The following DTX1 variants were observed in gnomAD, a reference collection of about 807,000 sequenced individuals.
DTX1 encodes deltex E3 ubiquitin ligase 1, also known as E3 ubiquitin-protein ligase DTX1.
A neutral mutation model predicts 57.8 loss-of-function variants in DTX1; 26 were observed. The ratio of observed to expected loss-of-function variants is 0.45; its 90% CI spans 0.33 to 0.62. The LOEUF is 0.62. Among genes scored for constraint, DTX1 ranks in the 20% least tolerant of loss-of-function variants. The pLI is 0.02. For synonymous variants in DTX1, 398 were observed against 394.1 expected, an observed-to-expected ratio of 1.01 and a Z score of -0.12; for missense variants, 704 against 895.3, an observed-to-expected ratio of 0.79 and a Z score of 2.73.
Position 113,093,052 on chromosome 12 carries a change from A to G in DTX1, c.942-110A>G. 2 of 1,087,446 alleles carry G rather than the reference A, an allele frequency of 1.8e-6. No individual in the cohort carries two copies. Among genetic ancestry groups the G allele is most frequent in the Non-Finnish European group, 2.7e-6 (2 of 742,822 alleles). The allele number at this position is 1,087,446 out of a possible 1,614,324, so 67.4% of individuals were successfully genotyped here. On this transcript the variant is annotated intron_variant, in intron 3 of 9. Coordinates refer to ENST00000548759, the MANE Select transcript of DTX1 (RefSeq NM_004416.3). This position sits in a 1 kb window ranked among gnomAD's most constrained non-coding sequence, Gnocchi z 4.2. The stretch of plus-strand genomic sequence containing the variant: ...TAACTGCAGTTGGCAGAGAGGTACA[A>G]AGAGGCCAGGGTGTGTGGCCCAGGA...
rs546827664 is a variant in DTX1 at position 113,083,603 on chromosome 12, G to A, written c.941+5498G>A. Among the ~76,000 whole-genome samples the A allele has an allele frequency of 4.9e-4, 74 of 152,382 alleles. 2 individuals carry two copies. In the South Asian group the frequency reaches 0.015, roughly 32 times the overall value. On this transcript the variant is annotated intron_variant, in intron 3 of 9. Coordinates refer to ENST00000548759, the MANE Select transcript of DTX1 (RefSeq NM_004416.3). ...GGCCTCCCGAAATTCTGGGATTACAGGCATGAGCCACTGCGCCCGGCCAAT... is the reference window on the plus strand; with the variant it reads ...GGCCTCCCGAAATTCTGGGATTACAAGCATGAGCCACTGCGCCCGGCCAAT...
Position 113,093,969 on chromosome 12 carries a change from C to T in DTX1, c.1166-69C>T. The T allele has an allele frequency of 1.9e-6, 3 of 1,549,376 alleles. No homozygotes were observed. The highest frequency in any genetic ancestry group is 2.6e-6 in the Non-Finnish European group (3 of 1,143,402). ...GACCCCTGCCCTCTGACCCCTGACC[C>T]AGTTCTGAGCCAAGCCTTCGGGGAC... On this transcript the variant is annotated intron_variant, in intron 5 of 9. Coordinates refer to ENST00000548759, the MANE Select transcript of DTX1 (RefSeq NM_004416.3). The surrounding 1 kb of genome is among the most constrained non-coding windows in gnomAD (Gnocchi z 4.2).
intron 2 of DTX1, among the ~76,000 whole-genome samples, chr12:113,070,180 G>A (rs763784086): frequency 6.6e-6 from 1 of 152,180 alleles, no homozygotes; most frequent in East Asian, 1.9e-4. Context: ...ACACTCTTTC[G>A]CTTGAATGAG....
Position 113,065,612 on chromosome 12 carries a change from G to C in DTX1, c.259+7161G>C, listed in dbSNP as rs557188451. Among the ~76,000 whole-genome samples the C allele has an allele frequency of 1.4e-4, 22 of 152,310 alleles. No individual in the cohort carries two copies. The South Asian group carries it at 4.4e-3, about 30-fold the overall frequency. On this transcript the variant is annotated intron_variant, in intron 2 of 9. Coordinates refer to ENST00000548759, the MANE Select transcript of DTX1 (RefSeq NM_004416.3). ...GGAGCTGCGGAGTCTGACCTGGAGA[G>C]GAAGGAGGAGATGGAAGCTGTGATG...
rs1463236102 is a variant in DTX1, at chr12:113,093,688, C to A, written c.1153C>A (p.His385Asn). ...GGTGTGCCGCAAGACCAAGAAGAAGCACCTTAAAAAGAGTACGCCCTCCAC... is the reference window on the plus strand; with the variant it reads ...GGTGTGCCGCAAGACCAAGAAGAAGAACCTTAAAAAGAGTACGCCCTCCAC... ...PGVCRKTKKK[H>N]LKKSKNPEDV... The change falls in exon 5 of 10, where the codon CAC becomes AAC. Residue 385 changes from histidine (H) to asparagine (N), a missense_variant. Coordinates refer to ENST00000548759, the MANE Select transcript of DTX1 (RefSeq NM_004416.3). The surrounding 1 kb of genome is among the most constrained non-coding windows in gnomAD (Gnocchi z 4.2). 8 of 1,613,730 alleles carry A rather than the reference C, an allele frequency of 5.0e-6. No individual in the cohort carries two copies. Among genetic ancestry groups the A allele is most frequent in the Non-Finnish European group, 6.8e-6 (8 of 1,179,920 alleles).
At chr12:113,089,984 G>A (rs1192468544) in intron 3 of DTX1, 2 of 152,214 alleles carry the variant, frequency 1.3e-5, no homozygotes, top group African/African-American at 4.8e-5. Flanking sequence ...GATTGATAGA[G>A]GCTGCTTGGA....
At chr12:113,063,632 C>T (rs563573806) in intron 2 of DTX1, among the ~76,000 whole-genome samples, 1 of 152,364 alleles carries the variant, frequency 6.6e-6, no homozygotes, top group Admixed American at 6.5e-5. Context: ...ATACCCGAGG[C>T]TGCAAGCCTG....
At chr12:113,064,059 T>C (rs1343969366) in intron 2 of DTX1, among the ~76,000 whole-genome samples, 3 of 152,076 alleles carry the variant, frequency 2.0e-5, no homozygotes, top group Non-Finnish European at 4.4e-5. Context: ...AGAGCGCTCT[T>C]GGGGCTTGTT....
chr12:113,071,262 C>T (rs1413038296), intron 2 of DTX1, among the ~76,000 whole-genome samples: 7 of 152,250 alleles, frequency 4.6e-5, no homozygotes, highest in Non-Finnish European at 1.0e-4. Context: ...CGCCCCCACA[C>T]CCGGTCTCAG....
In DTX1 at chr12:113,057,951, T is replaced by A. The variant is rs988445307; in HGVS notation, c.-242T>A. 2.0e-5 allele frequency: 12 copies of A among 613,684 alleles called. No individual in the cohort carries two copies. The highest frequency in any genetic ancestry group is 1.8e-4 in the African/African-American group (10 of 54,300). The allele number at this position is 613,684 out of a possible 1,614,324, so 38.0% of individuals were successfully genotyped here. On this transcript the variant is annotated 5_prime_UTR_variant, in exon 2 of 10. Transcript: ENST00000548759. ...CTCCGGCATAAGAGAGACACTTGCTTTCCAGGGCAGCACCCTTTATCGGAG... is the reference window on the plus strand; with the variant it reads ...CTCCGGCATAAGAGAGACACTTGCTATCCAGGGCAGCACCCTTTATCGGAG...
At position 113,090,335 on chromosome 12, in the gene DTX1, G is replaced by A. The variant is rs1392436041; in HGVS notation, c.942-2827G>A. On this transcript the variant is annotated intron_variant, in intron 3 of 9. Coordinates refer to ENST00000548759, the MANE Select transcript of DTX1 (RefSeq NM_004416.3). ...GAGTGGTGACAGCTGCCCCCCTGAGGAAGGCCCTGGAGGATTATGACAGAC... is the reference window on the plus strand; with the variant it reads ...GAGTGGTGACAGCTGCCCCCCTGAGAAAGGCCCTGGAGGATTATGACAGAC... Among the ~76,000 whole-genome samples, 9 of 152,254 alleles carry A rather than the reference G, an allele frequency of 5.9e-5. No homozygotes were observed. The East Asian group carries it at 1.7e-3, about 29-fold the overall frequency.
chr12:113,061,604 A>C (rs1464145085), intron 2 of DTX1, among the ~76,000 whole-genome samples: 1 of 152,162 alleles, frequency 6.6e-6, no homozygotes, highest in East Asian at 1.9e-4. Context: ...AATCTGGCTG[A>C]TTTTATCCCA....
At position 113,093,244 on chromosome 12, in the gene DTX1, G is replaced by A. The variant is rs758483921; in HGVS notation, c.1003+21G>A. 6.3e-6 allele frequency: 10 copies of A among 1,577,734 alleles called. No individual in the cohort carries two copies. Among genetic ancestry groups the A allele is most frequent in the Non-Finnish European group, 8.6e-6 (10 of 1,161,844 alleles). On this transcript the variant is annotated intron_variant, in intron 4 of 9. Transcript: ENST00000548759. This position sits in a 1 kb window ranked among gnomAD's most constrained non-coding sequence, Gnocchi z 4.2. Reference sequence around the variant, plus strand: ...GGCAGGTGAGGTCTGGCCCAGGGCGGGAAAGAAGGGCGGGGCCCACTAGGA... The same window carrying A: ...GGCAGGTGAGGTCTGGCCCAGGGCGAGAAAGAAGGGCGGGGCCCACTAGGA...
intron 3 of DTX1, among the ~76,000 whole-genome samples, chr12:113,085,697 A>G (rs1374105032): frequency 6.6e-6 from 1 of 152,182 alleles, no homozygotes; most frequent in African/African-American, 2.4e-5. Flanking sequence ...TTTTTAATTA[A>G]TTCATTCATA....
At chr12:113,086,559 G>A (rs993261904) in intron 3 of DTX1, among the ~76,000 whole-genome samples, 11 of 152,356 alleles carry the variant, frequency 7.2e-5, no homozygotes, top group African/African-American at 2.4e-4. Flanking sequence ...CACTCTGAAT[G>A]CTGAGCATAG....
intron 3 of DTX1, among the ~76,000 whole-genome samples, chr12:113,089,616 A>G (rs894834911): frequency 1.2e-4 from 19 of 152,188 alleles, no homozygotes; most frequent in African/African-American, 4.6e-4. Flanking sequence ...GGTGGCTCCC[A>G]CGCTCAGGGT....
chr12:113,096,660 G>C, intron 9 of DTX1, 55 bp from the exon 10 acceptor site: 3 of 1,522,636 alleles, frequency 2.0e-6, no homozygotes, highest in Non-Finnish European at 2.7e-6. Context: ...GAGGCTGGTG[G>C]GCTGGAAGCT....
At chr12:113,095,528 A>C in intron 9 of DTX1, 114 bp downstream of exon 9, 4 of 1,370,594 alleles carry the variant, frequency 2.9e-6, no homozygotes, top group East Asian at 2.4e-5. Context: ...CATTCCTCCC[A>C]AAAGCAGCAC....
chr12:113,079,139 T>C (rs2044796759), intron 3 of DTX1, among the ~76,000 whole-genome samples: 1 of 151,988 alleles, frequency 6.6e-6, no homozygotes, highest in Admixed American at 6.6e-5. Flanking sequence ...GATTCAGTCA[T>C]CTGAGCAAAG....
Sources: gnomAD v4.1 joint callset for allele counts (sites outside exome capture counted in the v4.1 genomes callset) on GRCh38, gnomAD v4.1.1 for gene constraint, Gnocchi (gnomAD v3.1) non-coding constraint, MANE v1.5 for transcripts, NCBI Gene and HGNC (gene_info 2026-07-23, HGNC 2026-07-21) for gene names.